FMO5: variants seen among roughly 807,000 people sequenced by gnomAD.
FMO5 encodes flavin containing dimethylaniline monoxygenase 5, also known as flavin-containing monooxygenase 5.
In FMO5, 51 loss-of-function variants were observed where a neutral mutation model predicts 43.6. The observed-to-expected ratio is 1.17, with a 90% CI of 0.93 to 1.48. FMO5 has a LOEUF of 1.48. Among genes scored for constraint, FMO5 ranks in the 40% most tolerant of loss-of-function variants. The pLI is 0.00. For synonymous variants in FMO5, 187 were observed against 216.5 expected (o/e 0.86, Z 1.20); for missense variants, 644 against 643.0 (o/e 1.00, Z -0.02).
intron 7 of FMO5, among the ~76,000 whole-genome samples, chr1:147,196,400 C>T (rs971251057): frequency 2.6e-5 from 4 of 151,962 alleles, no homozygotes; most frequent in African/African-American, 9.7e-5. Flanking sequence ...ATTACTTCTA[C>T]ACAACCACAA....
rs587716371 is a variant in FMO5, at chr1:147,216,758, GATTGTGTTAGA to G, written c.136-827_136-817del. Among the ~76,000 whole-genome samples the G allele has an allele frequency of 5.9e-3, 905 of 152,304 alleles. 4 individuals are homozygous for G. The highest frequency in any genetic ancestry group is 0.01 in the Middle Eastern group (3 of 294). ...CTAGCAGCTGGGGCTTCCCTTGAGAGATTGTGTTAGAAATGCAGACTCTCAGGCCCCACCTC... is the reference window on the plus strand; with the variant it reads ...CTAGCAGCTGGGGCTTCCCTTGAGAGAATGCAGACTCTCAGGCCCCACCTC... On this transcript the variant is annotated intron_variant, in intron 2 of 8. Transcript: ENST00000254090.
chr1:147,215,739 C>A lies in FMO5; in HGVS notation c.324+15G>T. On this transcript the variant is annotated intron_variant, in intron 3 of 8. Transcript: ENST00000254090. Reference sequence around the variant, plus strand: ...AAACAACTTCAAACACAAAGATACCCACACAATTTTCTACCTTAAATCGAA... The same window carrying A: ...AAACAACTTCAAACACAAAGATACCAACACAATTTTCTACCTTAAATCGAA... The A allele has an allele frequency of 6.4e-7, 1 of 1,565,606 alleles. No individual in the cohort carries two copies. Among genetic ancestry groups the A allele is most frequent in the Non-Finnish European group, 8.7e-7 (1 of 1,152,892 alleles).
chr1:147,216,182 G>A (rs1553925035), intron 2 of FMO5, among the ~76,000 whole-genome samples: 1 of 152,168 alleles, frequency 6.6e-6, no homozygotes, highest in East Asian at 1.9e-4. Context: ...CAAGTCATAA[G>A]TAGCCTTGCG....
chr1:147,188,692 C>T (rs587647882), intron 8 of FMO5, among the ~76,000 whole-genome samples: 8 of 150,424 alleles, frequency 5.3e-5, no homozygotes, highest in East Asian at 1.9e-4. Flanking sequence ...AAAACCTGCA[C>T]GTTGTACACA....
intron 5 of FMO5, chr1:147,211,406 G>A (rs1169629147): frequency 6.6e-6 from 1 of 151,984 alleles, no homozygotes. Context: ...CCTGATAAAT[G>A]TCTGTTGAAT....
At chr1:147,206,115 C>G (rs11239942) in intron 6 of FMO5, among the ~76,000 whole-genome samples, 1 of 150,514 alleles carries the variant, frequency 6.6e-6, no homozygotes, top group Non-Finnish European at 1.5e-5. Flanking sequence ...AGGATATGAA[C>G]AGACACTTCT....
chr1:147,203,615 TTCTTA>T (rs1659441855), intron 6 of FMO5: 1 of 1,222,828 alleles, frequency 8.2e-7, no homozygotes, highest in Non-Finnish European at 1.2e-6. Flanking sequence ...CTCAGCAAAC[TTCTTA>T]ATAGCGTACT....
chr1:147,199,728 G>T (rs1293334285), intron 7 of FMO5, among the ~76,000 whole-genome samples: 1 of 152,160 alleles, frequency 6.6e-6, no homozygotes. Context: ...TTGACTACTT[G>T]TATAGTTCTC....
At chr1:147,219,386 T>C (rs1224292078) in intron 2 of FMO5, among the ~76,000 whole-genome samples, 9 of 152,020 alleles carry the variant, frequency 5.9e-5, no homozygotes, top group Non-Finnish European at 1.3e-4. Context: ...GCAGTAGGAT[T>C]GCTTTCTTTT....
rs1553918172 is a variant in FMO5, at chr1:147,190,236, C to A, written c.1197G>T (p.Leu399Phe). ...CTGCCATCATTTCACTCTGTGAGGG[C>A]AATGTCTTTAGACCTAAAAACAAAA... ...ATQVFKGLKTLPSQSEMMAEI... is the reference protein window; with the variant it reads ...ATQVFKGLKTFPSQSEMMAEI... Residue 399 changes from leucine (L) to phenylalanine (F), a missense_variant, in exon 8 of 9, where the codon TTG becomes TTT. Coordinates refer to ENST00000254090, the MANE Select transcript of FMO5 (RefSeq NM_001461.4). 2 of 1,608,644 alleles carry A rather than the reference C, an allele frequency of 1.2e-6. No individual in the cohort carries two copies. Among genetic ancestry groups the A allele is most frequent in the Non-Finnish European group, 1.7e-6 (2 of 1,176,162 alleles).
chr1:147,211,106 A>G (rs587760384), intron 5 of FMO5: 1 of 152,340 alleles, frequency 6.6e-6, no homozygotes, highest in South Asian at 2.1e-4. Flanking sequence ...TCTGCTATGC[A>G]GACATAGTTT....
At chr1:147,189,357 G>A (rs1450252680) in intron 8 of FMO5, among the ~76,000 whole-genome samples, 1 of 151,940 alleles carries the variant, frequency 6.6e-6, no homozygotes, top group Admixed American at 6.5e-5. Flanking sequence ...TGAGAATTTA[G>A]AAAATTTAGT....
In FMO5 at chr1:147,190,193, C is replaced by G; in HGVS notation, c.1240G>C (p.Glu414Gln). 2 of 1,610,390 alleles carry G rather than the reference C, an allele frequency of 1.2e-6. No individual in the cohort carries two copies. Among genetic ancestry groups the G allele is most frequent in the Non-Finnish European group, 1.7e-6 (2 of 1,177,422 alleles). Residue 414 changes from glutamate to glutamine, a missense_variant, in exon 8 of 9, where the codon GAG becomes CAG. Physicochemically the swap from Glu to Gln is conservative, Grantham distance 29. Transcript: ENST00000254090. ...EMMAEISKAQ[E>Q]EIDKRYVESQ... is the part of the protein sequence containing the mutation. ...GTTTCTTACCTTTTGTCAATTTCCT[C>G]TTGAGCTTTAGATATTTCTGCCATC...
intron 6 of FMO5, among the ~76,000 whole-genome samples, chr1:147,207,574 T>C (rs1468973822): frequency 6.6e-6 from 1 of 152,214 alleles, no homozygotes; most frequent in African/African-American, 2.4e-5. Flanking sequence ...GAGTCTGCCA[T>C]TTATTATTTC....
chr1:147,203,949 CAACT>C (rs1659502302), intron 6 of FMO5: 6 of 1,324,274 alleles, frequency 4.5e-6, no homozygotes, highest in Non-Finnish European at 6.5e-6. Context: ...GCTGTAGCAC[CAACT>C]GTTTTACAGA....
chr1:147,201,170 C>A lies in FMO5; in HGVS notation c.1165G>T (p.Ala389Ser), dbSNP rs782678982. The change falls in exon 7 of 9, where the codon GCC becomes TCC. Residue 389 changes from alanine (A) to serine (S), a missense_variant. Coordinates refer to ENST00000254090, the MANE Select transcript of FMO5 (RefSeq NM_001461.4). ...MPISELQGRW[A>S]TQVFKGLKTL... Reference sequence around the variant, plus strand: ...CACTTACCTTTAAATACCTGAGTGGCCCAGCGTCCTTGGAGCTCTGAAATG... The same window carrying A: ...CACTTACCTTTAAATACCTGAGTGGACCAGCGTCCTTGGAGCTCTGAAATG... 6 of 1,612,684 alleles carry A rather than the reference C, an allele frequency of 3.7e-6. No homozygotes were observed. Among genetic ancestry groups the A allele is most frequent in the Non-Finnish European group, 3.4e-6 (4 of 1,179,284 alleles).
At chr1:147,215,987 C>T in intron 2 of FMO5, 45 bp from the exon 3 acceptor site, 1 of 1,459,392 alleles carries the variant, frequency 6.9e-7, no homozygotes. Context: ...GGATCATCTT[C>T]ATGTTTTATA....
intron 2 of FMO5, among the ~76,000 whole-genome samples, chr1:147,221,855 T>C (rs1004044165): frequency 2.0e-5 from 3 of 152,224 alleles, no homozygotes; most frequent in Non-Finnish European, 2.9e-5. Flanking sequence ...AAACACCTGA[T>C]TGGAACTTAG....
At chr1:147,189,140 G>A (rs1656203254) in intron 8 of FMO5, among the ~76,000 whole-genome samples, 1 of 151,996 alleles carries the variant, frequency 6.6e-6, no homozygotes, top group Non-Finnish European at 1.5e-5. Context: ...TGGGTTTGGT[G>A]GTGTGCACCT....
Sources: gnomAD v4.1 joint callset for allele counts (sites outside exome capture counted in the v4.1 genomes callset) on GRCh38, gnomAD v4.1.1 for gene constraint, MANE v1.5 for transcripts, NCBI Gene and HGNC (gene_info 2026-07-23, HGNC 2026-07-21) for gene names.